The following AHR variants were observed in gnomAD, a reference collection of about 807,000 sequenced individuals.
The protein encoded by AHR is AH-receptor.
Under a neutral mutation model 86.8 loss-of-function variants are expected in AHR, and 40 were observed. That is an observed-to-expected ratio of 0.46 (90% confidence interval 0.36 to 0.60). The LOEUF is 0.60. Among genes scored for constraint, AHR ranks in the 20% least tolerant of loss-of-function variants. AHR has a pLI of 0.00. For missense variants in AHR, 1,001 were observed against 1,011.6 expected, an observed-to-expected ratio of 0.99 and a Z score of 0.14; for synonymous variants, 398 against 354.9, an observed-to-expected ratio of 1.12 and a Z score of -1.37.
At chr7:17,322,985 G>C (rs796827001) in intron 3 of AHR, among the ~76,000 whole-genome samples, 1 of 151,998 alleles carries the variant, frequency 6.6e-6, no homozygotes, top group African/African-American at 2.4e-5. Flanking sequence ...ACTGTATAGC[G>C]TAAGTGTATG....
rs1407259848 is a variant in AHR, at chr7:17,343,047, T to C, written c.2530T>C (p.Ser844Pro). Residue 844 changes from serine to proline, a missense_variant, in exon 11 of 11, where the codon TCC becomes CCC. Ser to Pro is a moderately conservative substitution (Grantham distance 74). Coordinates refer to ENST00000242057, the MANE Select transcript of AHR (RefSeq NM_001621.5). ...AGCCAGACCTTTTCCTGATTTGACA[T>C]CCAGTGGATTCCTGTAATTCCAAGC... ...SEARPFPDLT[S>P]SGFL 1 of 1,613,902 alleles carries C rather than the reference T, an allele frequency of 6.2e-7. No individual in the cohort carries two copies. Among genetic ancestry groups the C allele is most frequent in the African/African-American group, 1.3e-5 (1 of 75,026 alleles).
chr7:17,310,059 G>A lies in AHR; in HGVS notation c.189G>A (p.Lys63=). 6.2e-7 allele frequency: 1 copy of A among 1,614,010 alleles called. No homozygotes were observed. The change falls in exon 2 of 11, where the codon AAG becomes AAA. Residue 63 remains lysine, a synonymous_variant. Transcript: ENST00000242057. ...LLPFPQDVIN[K]LDKLSVLRLS... is the part of the protein sequence containing the mutation. ...CTTTCCCACAAGATGTTATTAATAA[G>A]TTGGACAAACTTTCAGTTCTTAGGC...
chr7:17,330,805 T>A lies in AHR; in HGVS notation c.624T>A (p.Ile208=), dbSNP rs758572898. The A allele has an allele frequency of 3.7e-6, 6 of 1,612,374 alleles. No homozygotes were observed. The East Asian group carries it at 1.3e-4, about 36-fold the overall frequency. Residue 208 remains isoleucine, a synonymous_variant, in exon 6 of 11, where the codon ATT becomes ATA. Coordinates refer to ENST00000242057, the MANE Select transcript of AHR (RefSeq NM_001621.5). ...QTVVCYNPDQ[I]PPENSPLMER... ...TAGTCTGTTATAACCCAGACCAGAT[T>A]CCTCCAGAAAACTCTCCTTTAATGG...
Position 17,298,754 on chromosome 7 carries a change from C to CG in AHR, c.-508dup, listed in dbSNP as rs1781916439. 1 of 397,824 alleles carries CG rather than the reference C, an allele frequency of 2.5e-6. No homozygotes were observed. The highest frequency in any genetic ancestry group is 3.6e-5 in the East Asian group (1 of 28,026). The allele number at this position is 397,824 out of a possible 1,614,324, so 24.6% of individuals were successfully genotyped here. ...TAGCCGAACGGAAGCTGGGAGCAGC[C>CG]GGGACTGGTGGCCCGCGCCCGAGCT... On this transcript the variant is annotated 5_prime_UTR_variant, in exon 1 of 11. Transcript: ENST00000242057.
intron 9 of AHR, among the ~76,000 whole-genome samples, chr7:17,336,239 T>C (rs1169267469): frequency 6.6e-6 from 1 of 152,120 alleles, no homozygotes; most frequent in East Asian, 1.9e-4. Flanking sequence ...AAGGATTGAT[T>C]CCCCCCAGCC....
At chr7:17,322,710 A>G (rs1013974153) in intron 3 of AHR, 103 bp downstream of exon 3, 9 of 817,424 alleles carry the variant, frequency 1.1e-5, no homozygotes, top group African/African-American at 7.0e-5. Flanking sequence ...GATTTGCTCA[A>G]TGTTTTTTGC....
Position 17,335,739 on chromosome 7 carries a change from TAA to T in AHR, c.1117_1118del (p.Asn373TrpfsTer16). 6.2e-7 allele frequency: 1 copy of T among 1,613,216 alleles called. No homozygotes were observed. The highest frequency in any genetic ancestry group is 8.5e-7 in the Non-Finnish European group (1 of 1,179,472). The stretch of plus-strand genomic sequence containing the variant: ...TCCAGTCTAATGCACGCCTGCTTTA[TAA>T]AAATGGAAGACCAGATTATATCATT... ...WVQSNARLLY[K>X]NGRPDYIIVT... On this transcript the variant is annotated frameshift_variant, in exon 9 of 11. Transcript: ENST00000242057.
Position 17,299,319 on chromosome 7 carries a change from G to A in AHR, c.55G>A (p.Val19Met). The A allele has an allele frequency of 1.9e-6, 3 of 1,612,886 alleles. No homozygotes were observed. Among genetic ancestry groups the A allele is most frequent in the East Asian group, 2.2e-5 (1 of 44,864 alleles). Residue 19 changes from valine to methionine, a missense_variant, in exon 1 of 11, where the codon GTG becomes ATG. This residue lies in a region of AHR where 394 missense variants were observed against 468.5 expected (regional missense o/e 0.84). Transcript: ENST00000242057. ...TYASRKRRKP[V>M]QKTVKPIPAE... ...CGCCAGTCGCAAGCGGCGGAAGCCG[G>A]TGCAGAAAACGTGAGTGTCCCGAGC...
intron 3 of AHR, among the ~76,000 whole-genome samples, chr7:17,326,403 A>C (rs918759191): frequency 1.4e-4 from 22 of 152,202 alleles, no homozygotes; most frequent in African/African-American, 4.8e-4. Flanking sequence ...CATAAGCACT[A>C]GGGCAAAGAC....
Position 17,299,253 on chromosome 7 carries a change from C to T in AHR, c.-12C>T, listed in dbSNP as rs778107947. The T allele has an allele frequency of 6.2e-7, 1 of 1,610,262 alleles. No individual in the cohort carries two copies. Among genetic ancestry groups the T allele is most frequent in the South Asian group, 1.1e-5 (1 of 90,850 alleles). On this transcript the variant is annotated 5_prime_UTR_variant, in exon 1 of 11. Transcript: ENST00000242057. ...GTGCCCGGGGAGTAGCCGCCGCCGT[C>T]GGCTGGGCACCATGAACAGCAGCAG...
chr7:17,338,914 T>C, intron 9 of AHR, 72 bp from the exon 10 acceptor site: 1 of 1,384,806 alleles, frequency 7.2e-7, no homozygotes, highest in Admixed American at 2.4e-5. Context: ...TATGTTTTTC[T>C]TTTTTAAATT....
chr7:17,332,510 C>G (rs1782307046), intron 6 of AHR, among the ~76,000 whole-genome samples: 1 of 151,122 alleles, frequency 6.6e-6, no homozygotes, highest in Non-Finnish European at 1.5e-5. Flanking sequence ...CCTGTACAGA[C>G]CTAAGCTAAT....
chr7:17,327,412 TA>T (rs895556069), intron 3 of AHR, among the ~76,000 whole-genome samples: 1 of 151,624 alleles, frequency 6.6e-6, no homozygotes, highest in Non-Finnish European at 1.5e-5. Flanking sequence ...TGTTTCCCTC[TA>T]AAAAAAAGCA....
chr7:17,335,612 GT>G, intron 8 of AHR, 32 bp from the exon 9 acceptor site: 1 of 1,518,354 alleles, frequency 6.6e-7, no homozygotes, highest in Non-Finnish European at 8.9e-7. Context: ...TGATTTGGGG[GT>G]TTGATAATTT....
intron 1 of AHR, among the ~76,000 whole-genome samples, chr7:17,300,402 T>G (rs1159038200): frequency 1.3e-5 from 2 of 152,244 alleles, no homozygotes. Flanking sequence ...TTGCTTAGAC[T>G]CCAACTATCA....
intron 2 of AHR, among the ~76,000 whole-genome samples, chr7:17,317,116 G>GTTTTTTTTTTTTTTTTTTTTTTTTTTTT: frequency 8.1e-6 from 1 of 123,684 alleles, no homozygotes; most frequent in Non-Finnish European, 1.6e-5. Flanking sequence ...GGAGAATTTT[G>GTTTTTTTTTTTTTTTTTTTTTTTTTTTT]TTTTTTTTTT....
intron 2 of AHR, among the ~76,000 whole-genome samples, chr7:17,318,582 A>G (rs967532197): frequency 1.3e-5 from 2 of 152,120 alleles, no homozygotes; most frequent in Admixed American, 6.6e-5. Context: ...ACATATCCTC[A>G]CTGATGGGGA....
chr7:17,314,717 C>T (rs1312173294), intron 2 of AHR, among the ~76,000 whole-genome samples: 1 of 152,028 alleles, frequency 6.6e-6, no homozygotes, highest in Non-Finnish European at 1.5e-5. Flanking sequence ...TAATGCACTT[C>T]TAAGTGTTGA....
intron 2 of AHR, among the ~76,000 whole-genome samples, chr7:17,315,166 C>T (rs1283991844): frequency 6.6e-6 from 1 of 151,958 alleles, no homozygotes; most frequent in Non-Finnish European, 1.5e-5. Context: ...AATAGTAGCG[C>T]ATTCTTATTG....
Sources: gnomAD v4.1 joint callset for allele counts (sites outside exome capture counted in the v4.1 genomes callset) on GRCh38, gnomAD v4.1.1 for gene constraint, gnomAD v4.1.1 regional missense constraint, MANE v1.5 for transcripts, NCBI Gene and HGNC (gene_info 2026-07-23, HGNC 2026-07-21) for gene names.